NRXN1: variants seen among roughly 807,000 people sequenced by gnomAD.
NRXN1 encodes neurexin-1.
NRXN1 carries 39 observed loss-of-function variants against 150.9 expected under a neutral mutation model. The ratio of observed to expected loss-of-function variants is 0.26; its 90% CI spans 0.20 to 0.34. The LOEUF (loss-of-function observed/expected upper bound fraction) is 0.34, where lower values mean the gene tolerates loss of function less well. Ranked by LOEUF, NRXN1 falls within the 10% of genes least tolerant of loss-of-function variation. NRXN1 has a pLI of 1.00. For missense variants in NRXN1, 1,815 were observed against 1,949.9 expected (o/e 0.93, Z 1.30); for synonymous variants, 924 against 757.0 (o/e 1.22, Z -3.62).
chr2:50,803,567 T>TA (rs1707899803), intron 5 of NRXN1, among the ~76,000 whole-genome samples: 1 of 152,234 alleles, frequency 6.6e-6, no homozygotes, highest in Non-Finnish European at 1.5e-5. Flanking sequence ...TAAGTTGGTT[T>TA]AAATGCTGAG....
At chr2:50,609,111 A>G (rs1677608859) in intron 8 of NRXN1, among the ~76,000 whole-genome samples, 1 of 152,112 alleles carries the variant, frequency 6.6e-6, no homozygotes, top group Admixed American at 6.6e-5. Context: ...TATGGCTCTG[A>G]TAATATTATG....
At position 51,029,825 on chromosome 2, in the gene NRXN1, C is replaced by T. The variant is rs146343447; in HGVS notation, c.-921-631G>A. On this transcript the variant is annotated intron_variant, in intron 1 of 22. Transcript: ENST00000401669. ...GCCAGATTTATGTTTTTGGCATTGT[C>T]TCAATTGCCCTAATATTAACTTCTC... 3.5e-3 allele frequency among the ~76,000 whole-genome samples: 534 copies of T among 152,276 alleles called. 5 individuals carry two copies. Among genetic ancestry groups the T allele is most frequent in the African/African-American group, 0.012 (505 of 41,544 alleles).
At chr2:50,589,477 C>CT (rs1673764355) in intron 8 of NRXN1, 1 of 148,602 alleles carries the variant, frequency 6.7e-6, no homozygotes, top group Admixed American at 6.8e-5. Flanking sequence ...TCTCCTCAGC[C>CT]TCCTGAGTAG....
chr2:50,499,310 C>G (rs2091818713), intron 13 of NRXN1, among the ~76,000 whole-genome samples: 1 of 152,158 alleles, frequency 6.6e-6, no homozygotes, highest in Admixed American at 6.5e-5. Context: ...GGCATGTTCT[C>G]TTTTCAGCCA....
At chr2:50,596,634 G>A (rs62142320) in intron 8 of NRXN1, among the ~76,000 whole-genome samples, 33,185 of 152,016 alleles carry the variant, frequency 0.22, 3,763 homozygotes, top group Middle Eastern at 0.29. Flanking sequence ...TAGAAGAAAG[G>A]GCTCAGCCAG....
intron 5 of NRXN1, among the ~76,000 whole-genome samples, chr2:50,644,211 T>C (rs2104503316): frequency 6.6e-6 from 1 of 151,908 alleles, no homozygotes; most frequent in East Asian, 1.9e-4. Context: ...ATGTAATTAT[T>C]TGAGAGAAAA....
chr2:50,844,775 A>G (rs965395398), intron 5 of NRXN1, among the ~76,000 whole-genome samples: 6 of 152,174 alleles, frequency 3.9e-5, no homozygotes, highest in African/African-American at 1.4e-4. Context: ...GGCCAGAGCA[A>G]GTATCATGGA....
intron 5 of NRXN1, among the ~76,000 whole-genome samples, chr2:50,649,197 GTTC>G (rs10543816): frequency 0.44 from 66,960 of 150,554 alleles, 15,084 homozygotes; most frequent in East Asian, 0.58. Context: ...TAGTTGGGAG[GTTC>G]TTCTTTCAAG....
intron 2 of NRXN1, among the ~76,000 whole-genome samples, chr2:51,019,028 G>C (rs759887889): frequency 1.3e-4 from 20 of 152,178 alleles, no homozygotes; most frequent in Non-Finnish European, 2.4e-4. Context: ...AGCACTAAAT[G>C]TAAGAGTCTG....
chr2:50,758,342 T>G (rs56097724), intron 5 of NRXN1, among the ~76,000 whole-genome samples: 12,892 of 151,852 alleles, frequency 0.085, 716 homozygotes, highest in Non-Finnish European at 0.11. Flanking sequence ...ATTAATGATT[T>G]GAAAGCCCAA....
intron 2 of NRXN1, among the ~76,000 whole-genome samples, chr2:50,981,029 A>G (rs1289572638): frequency 6.6e-6 from 1 of 152,134 alleles, no homozygotes; most frequent in East Asian, 1.9e-4. Flanking sequence ...ACCACATTAC[A>G]TTTTAAAAAG....
chr2:50,916,313 C>A (rs1371703705), intron 5 of NRXN1, among the ~76,000 whole-genome samples: 1 of 151,024 alleles, frequency 6.6e-6, no homozygotes, highest in South Asian at 2.1e-4. Flanking sequence ...TTTAGAAGAT[C>A]TCTAATATTC....
chr2:50,532,012 G>C (rs2093129305), intron 10 of NRXN1, among the ~76,000 whole-genome samples: 2 of 151,884 alleles, frequency 1.3e-5, no homozygotes, highest in African/African-American at 2.4e-5. Flanking sequence ...TGCCAGGCTA[G>C]CTTATTATTA....
chr2:49,965,234 G>T (rs1230659110), intron 21 of NRXN1, among the ~76,000 whole-genome samples: 1 of 151,720 alleles, frequency 6.6e-6, no homozygotes, highest in Admixed American at 6.6e-5. Flanking sequence ...TCTGCCTAAG[G>T]TTTCTAATTA....
chr2:50,260,295 G>A (rs891214596), intron 17 of NRXN1, among the ~76,000 whole-genome samples: 1 of 151,772 alleles, frequency 6.6e-6, no homozygotes, highest in Non-Finnish European at 1.5e-5. Context: ...ATTTTTGTCA[G>A]AACAAGACAT....
intron 5 of NRXN1, among the ~76,000 whole-genome samples, chr2:50,816,840 G>A (rs981858152): frequency 6.6e-6 from 1 of 152,052 alleles, no homozygotes; most frequent in East Asian, 1.9e-4. Context: ...AGGCAACAAA[G>A]TCCTTTCCTC....
chr2:50,577,110 A>AT (rs1380724681), intron 8 of NRXN1, among the ~76,000 whole-genome samples: 1 of 152,038 alleles, frequency 6.6e-6, no homozygotes, highest in African/African-American at 2.4e-5. Flanking sequence ...AAATCTCAGC[A>AT]TTTTTTCACC....
At chr2:50,301,508 C>A (rs1388728845) in intron 17 of NRXN1, among the ~76,000 whole-genome samples, 1 of 152,124 alleles carries the variant, frequency 6.6e-6, no homozygotes, top group African/African-American at 2.4e-5. Flanking sequence ...TTTAAAATTG[C>A]ATAACTGTGT....
At chr2:50,390,651 T>C (rs1346662635) in intron 17 of NRXN1, among the ~76,000 whole-genome samples, 2 of 152,114 alleles carry the variant, frequency 1.3e-5, no homozygotes, top group Non-Finnish European at 2.9e-5. Context: ...CATATGGATC[T>C]TTCCTCATAA....
Sources: gnomAD v4.1 joint callset for allele counts (sites outside exome capture counted in the v4.1 genomes callset) on GRCh38, gnomAD v4.1.1 for gene constraint, MANE v1.5 for transcripts, NCBI Gene and HGNC (gene_info 2026-07-23, HGNC 2026-07-21) for gene names.